CDH23: variants seen among roughly 807,000 people sequenced by gnomAD.
CDH23 encodes the protein cadherin related 23.
Under a neutral mutation model 317.1 loss-of-function variants are expected in CDH23, and 189 were observed. The observed-to-expected ratio is 0.60, with a 90% CI of 0.53 to 0.67. The LOEUF (loss-of-function observed/expected upper bound fraction) is 0.67. Among genes scored for constraint, CDH23 ranks in the 30% least tolerant of loss-of-function variants. The pLI is 0.00. For synonymous variants in CDH23, 1,839 were observed against 1,876.8 expected, an observed-to-expected ratio of 0.98 and a Z score of 0.52; for missense variants, 4,401 against 4,592.4, an observed-to-expected ratio of 0.96 and a Z score of 1.20.
chr10:71,590,288 G>A (rs1255447971), intron 9 of CDH23, among the ~76,000 whole-genome samples: 1 of 152,266 alleles, frequency 6.6e-6, no homozygotes, highest in African/African-American at 2.4e-5. Context: ...TTCTGGCACA[G>A]AACGAAATTA....
At position 71,755,509 on chromosome 10, in the gene CDH23, T is replaced by C. The variant is rs775700221; in HGVS notation, c.4845+13588T>C. 21 of 1,542,910 alleles carry C rather than the reference T, an allele frequency of 1.4e-5. No individual in the cohort carries two copies. In the South Asian group the frequency reaches 2.5e-4, roughly 18 times the overall value. Reference sequence around the variant, plus strand: ...TAGCCAAGGTGAAGCCCCATTCCCATTGCTCCTCCTGAGCATAAACTGAGG... The same window carrying C: ...TAGCCAAGGTGAAGCCCCATTCCCACTGCTCCTCCTGAGCATAAACTGAGG... On this transcript the variant is annotated intron_variant, in intron 38 of 69. Transcript: ENST00000224721.
At chr10:71,485,016 CTTTTTTCT>C (rs1852269125) in intron 3 of CDH23, among the ~76,000 whole-genome samples, 2 of 129,070 alleles carry the variant, frequency 1.5e-5, no homozygotes, top group South Asian at 2.5e-4. Context: ...CTTTTCGTTT[CTTTTTTCT>C]TTTTTTTTTT....
intron 1 of CDH23, among the ~76,000 whole-genome samples, chr10:71,416,464 A>C (rs555846074): frequency 6.6e-6 from 1 of 152,198 alleles, no homozygotes; most frequent in African/African-American, 2.4e-5. Context: ...AATTGTATAT[A>C]TATTTTACAT....
chr10:71,576,994 C>G (rs1469741182), intron 8 of CDH23, among the ~76,000 whole-genome samples: 1 of 152,196 alleles, frequency 6.6e-6, no homozygotes, highest in Non-Finnish European at 1.5e-5. Context: ...GAGCACCTTC[C>G]TCTTCATGTT....
chr10:71,435,332 C>T (rs1023587485), intron 1 of CDH23, among the ~76,000 whole-genome samples: 3 of 152,206 alleles, frequency 2.0e-5, no homozygotes, highest in African/African-American at 7.2e-5. Context: ...GATTTTCTCT[C>T]TCCTGATGGC....
At chr10:71,665,772 G>A (rs1432657559) in intron 14 of CDH23, among the ~76,000 whole-genome samples, 3 of 152,184 alleles carry the variant, frequency 2.0e-5, no homozygotes, top group African/African-American at 4.8e-5. Flanking sequence ...TCCCACCCCC[G>A]AGCTCAGTGG....
intron 6 of CDH23, among the ~76,000 whole-genome samples, chr10:71,561,543 C>T (rs1589210221): frequency 6.6e-6 from 1 of 152,298 alleles, no homozygotes; most frequent in East Asian, 1.9e-4. Flanking sequence ...GCAGAACTTT[C>T]CCAGAGTCTA....
intron 3 of CDH23, among the ~76,000 whole-genome samples, chr10:71,495,602 G>A (rs1159572427): frequency 2.6e-5 from 4 of 152,052 alleles, no homozygotes; most frequent in Non-Finnish European, 5.9e-5. Context: ...GGAGGCTGGG[G>A]TGGGAGGATT....
At chr10:71,595,770 G>T (rs960109249) in intron 9 of CDH23, among the ~76,000 whole-genome samples, 1 of 152,138 alleles carries the variant, frequency 6.6e-6, no homozygotes, top group Non-Finnish European at 1.5e-5. Context: ...GCCCAGCCTT[G>T]ATGTGGCCTG....
At chr10:71,780,145 T>G (rs1840914664) in intron 41 of CDH23, among the ~76,000 whole-genome samples, 1 of 152,194 alleles carries the variant, frequency 6.6e-6, no homozygotes, top group African/African-American at 2.4e-5. Context: ...AATCCAAATC[T>G]TTGTGAAACA....
At chr10:71,735,616 C>T (rs545399635) in intron 34 of CDH23, among the ~76,000 whole-genome samples, 4 of 152,338 alleles carry the variant, frequency 2.6e-5, no homozygotes, top group Admixed American at 6.5e-5. Flanking sequence ...CACATTGCCA[C>T]GCCCTGCTGA....
chr10:71,799,277 C>T lies in CDH23; in HGVS notation c.7221C>T (p.Tyr2407=). 6.2e-7 allele frequency: 1 copy of T among 1,614,040 alleles called. No homozygotes were observed. Among genetic ancestry groups the T allele is most frequent in the East Asian group, 2.2e-5 (1 of 44,892 alleles). The change falls in exon 51 of 70, where the codon TAC becomes TAT. Residue 2407 remains tyrosine, a synonymous_variant. Coordinates refer to ENST00000224721, the MANE Select transcript of CDH23 (RefSeq NM_022124.6). The part of the protein sequence containing the change: ...DNNPIFDQPS[Y]QEAVFEDVPV... ...ACCCCATCTTTGACCAGCCCTCCTA[C>T]CAGGTGGGTGGCCAGGCCACAGGCT...
chr10:71,716,406 G>C, intron 28 of CDH23: 1 of 1,347,374 alleles, frequency 7.4e-7, no homozygotes, highest in Non-Finnish European at 9.9e-7. Flanking sequence ...GCGGGTATAG[G>C]GAAGACTTAC....
At chr10:71,678,288 A>G (rs756921726) in intron 16 of CDH23, among the ~76,000 whole-genome samples, 5 of 152,090 alleles carry the variant, frequency 3.3e-5, no homozygotes, top group Non-Finnish European at 5.9e-5. Flanking sequence ...GAGACCATGG[A>G]GTGCAACCCC....
At chr10:71,556,290 G>T (rs1856872175) in intron 6 of CDH23, among the ~76,000 whole-genome samples, 1 of 152,160 alleles carries the variant, frequency 6.6e-6, no homozygotes, top group South Asian at 2.1e-4. Context: ...AGGATCCATT[G>T]CAGGGGGCAG....
At chr10:71,730,418 T>C (rs1222818538) in intron 30 of CDH23, 51 bp from the exon 31 acceptor site, 2 of 1,598,202 alleles carry the variant, frequency 1.3e-6, no homozygotes, top group African/African-American at 2.7e-5. Context: ...GCCCTGGGCT[T>C]CCCAGCCTCC....
At chr10:71,490,302 G>A (rs1188103171) in intron 3 of CDH23, among the ~76,000 whole-genome samples, 1 of 152,152 alleles carries the variant, frequency 6.6e-6, no homozygotes, top group East Asian at 1.9e-4. Flanking sequence ...GGTACCTACT[G>A]CATGTTATTA....
chr10:71,467,699 C>T (rs926559041), intron 3 of CDH23, among the ~76,000 whole-genome samples: 2 of 151,044 alleles, frequency 1.3e-5, no homozygotes, highest in African/African-American at 2.5e-5. Flanking sequence ...GGAGGATGAT[C>T]ATATCTACTA....
At chr10:71,403,922 T>C (rs1347830033) in intron 1 of CDH23, among the ~76,000 whole-genome samples, 7 of 152,068 alleles carry the variant, frequency 4.6e-5, no homozygotes, top group Admixed American at 4.6e-4. Context: ...AAACCCCGTC[T>C]CTACTAAAAA....
Sources: gnomAD v4.1 joint callset for allele counts (sites outside exome capture counted in the v4.1 genomes callset) on GRCh38, gnomAD v4.1.1 for gene constraint, MANE v1.5 for transcripts, NCBI Gene and HGNC (gene_info 2026-07-23, HGNC 2026-07-21) for gene names.